Variants in BCKDHB observed in about 807,000 individuals in gnomAD.
BCKDHB encodes the protein 2-oxoisovalerate dehydrogenase subunit beta, mitochondrial.
A neutral mutation model predicts 48.5 loss-of-function variants in BCKDHB; 41 were observed. The ratio of observed to expected loss-of-function variants is 0.85; its 90% CI spans 0.66 to 1.10. The LOEUF is 1.10. BCKDHB is among the 50% of genes least tolerant of loss of function. The probability of loss-of-function intolerance (pLI) is 0.00; values close to 1 mark genes in which losing one functional copy is unlikely to be tolerated. For missense variants in BCKDHB, 496 were observed against 494.2 expected, an observed-to-expected ratio of 1.00 and a Z score of -0.03; for synonymous variants, 201 against 174.8, an observed-to-expected ratio of 1.15 and a Z score of -1.18.
intron 8 of BCKDHB, among the ~76,000 whole-genome samples, chr6:80,251,329 A>C (rs1013181636): frequency 4.6e-5 from 7 of 152,350 alleles, no homozygotes; most frequent in African/African-American, 1.7e-4. Context: ...ATGCAAATGG[A>C]GCAAATTACT....
chr6:80,138,932 G>A (rs1285452800), intron 3 of BCKDHB, among the ~76,000 whole-genome samples: 8 of 152,168 alleles, frequency 5.3e-5, no homozygotes. Context: ...GTGTAAAAGT[G>A]TTCCTATTTC....
At chr6:80,408,413 A>G in the BCKDHB span, among the ~76,000 whole-genome samples, 1 of 152,172 alleles carries the variant, frequency 6.6e-6, no homozygotes, top group Non-Finnish European at 1.5e-5. Context: ...TGATTGGAAT[A>G]GCTTCAGAAG....
chr6:80,210,370 G>A (rs1391790398), intron 8 of BCKDHB, among the ~76,000 whole-genome samples: 1 of 152,002 alleles, frequency 6.6e-6, no homozygotes. Context: ...TTTATATAGA[G>A]GTAAAAAATA....
At chr6:80,295,378 CAA>C (rs1310805273) in intron 9 of BCKDHB, among the ~76,000 whole-genome samples, 1 of 151,960 alleles carries the variant, frequency 6.6e-6, no homozygotes, top group Non-Finnish European at 1.5e-5. Flanking sequence ...TGGTGGCAGA[CAA>C]GAGAGAGTGT....
chr6:80,120,098 G>A (rs1769924879), intron 1 of BCKDHB, among the ~76,000 whole-genome samples: 1 of 152,110 alleles, frequency 6.6e-6, no homozygotes, highest in South Asian at 2.1e-4. Flanking sequence ...ACTTATGAGT[G>A]AGAACATGTG....
At chr6:80,233,865 C>T (rs907094832) in intron 8 of BCKDHB, among the ~76,000 whole-genome samples, 1 of 152,156 alleles carries the variant, frequency 6.6e-6, no homozygotes, top group East Asian at 1.9e-4. Flanking sequence ...TCGTATAGAG[C>T]AGCACTTCCC....
the BCKDHB span, among the ~76,000 whole-genome samples, chr6:80,369,037 GA>G: frequency 6.7e-6 from 1 of 150,018 alleles, no homozygotes; most frequent in African/African-American, 2.5e-5. Flanking sequence ...CAAAAGAAAA[GA>G]AAAAAAATTC....
At chr6:80,359,911 G>C in the BCKDHB span, among the ~76,000 whole-genome samples, 1 of 152,222 alleles carries the variant, frequency 6.6e-6, no homozygotes, top group South Asian at 2.1e-4. Context: ...TTAAATAGAA[G>C]ACTGTATATT....
chr6:80,415,571 AT>A, the BCKDHB span, among the ~76,000 whole-genome samples: 2 of 152,180 alleles, frequency 1.3e-5, no homozygotes, highest in Admixed American at 1.3e-4. Flanking sequence ...GATGAATCAC[AT>A]TTATCAATTT....
At chr6:80,276,756 A>AGTGATTATTTC (rs1350017065) in intron 9 of BCKDHB, among the ~76,000 whole-genome samples, 1 of 151,962 alleles carries the variant, frequency 6.6e-6, no homozygotes, top group Non-Finnish European at 1.5e-5. Flanking sequence ...AAATAATGGT[A>AGTGATTATTTC]AACTCACAGA....
At chr6:80,221,163 G>A (rs533368897) in intron 8 of BCKDHB, among the ~76,000 whole-genome samples, 10 of 152,080 alleles carry the variant, frequency 6.6e-5, no homozygotes, top group South Asian at 4.1e-4. Flanking sequence ...CTCTCTACCT[G>A]CTCATGAGCT....
At chr6:80,110,602 A>G (rs1769362622) in intron 1 of BCKDHB, among the ~76,000 whole-genome samples, 1 of 152,200 alleles carries the variant, frequency 6.6e-6, no homozygotes, top group Admixed American at 6.5e-5. Flanking sequence ...TTCAAAGGCA[A>G]AAAGGTATTG....
chr6:80,135,474 T>A (rs984063533), intron 3 of BCKDHB, among the ~76,000 whole-genome samples: 6 of 152,146 alleles, frequency 3.9e-5, no homozygotes, highest in African/African-American at 1.4e-4. Context: ...AATAAGTTGG[T>A]GTAAATCTGG....
intron 3 of BCKDHB, among the ~76,000 whole-genome samples, chr6:80,145,146 A>G (rs944271464): frequency 6.6e-6 from 1 of 152,156 alleles, no homozygotes; most frequent in Non-Finnish European, 1.5e-5. Flanking sequence ...TCCAACTGTT[A>G]GCATTTGATG....
chr6:80,145,368 C>T (rs1297870793), intron 3 of BCKDHB, among the ~76,000 whole-genome samples: 3 of 152,136 alleles, frequency 2.0e-5, no homozygotes, highest in Non-Finnish European at 4.4e-5. Flanking sequence ...GTGGTCCTTG[C>T]CTTTGCTAAC....
intron 8 of BCKDHB, among the ~76,000 whole-genome samples, chr6:80,246,492 C>T (rs1039304279): frequency 2.8e-4 from 42 of 152,256 alleles, no homozygotes; most frequent in African/African-American, 1.0e-3. Flanking sequence ...CTTACTAGCC[C>T]CCTTCCTGCC....
intron 1 of BCKDHB, among the ~76,000 whole-genome samples, chr6:80,123,181 G>A (rs1770136396): frequency 6.6e-6 from 1 of 151,998 alleles, no homozygotes; most frequent in African/African-American, 2.4e-5. Context: ...CTGTTATTCT[G>A]TTGTTTTTCA....
At chr6:80,399,534 A>G in the BCKDHB span, among the ~76,000 whole-genome samples, 1 of 152,072 alleles carries the variant, frequency 6.6e-6, no homozygotes, top group East Asian at 1.9e-4. Flanking sequence ...GAGCACAACT[A>G]CTGATGGTGG....
intron 6 of BCKDHB, among the ~76,000 whole-genome samples, chr6:80,197,161 A>G (rs1774168787): frequency 6.6e-6 from 1 of 152,198 alleles, no homozygotes. Context: ...TCTAGAAAGC[A>G]CATAGCCGTG....
Sources: allele counts gnomAD v4.1 joint callset (sites outside exome capture counted in the v4.1 genomes callset), GRCh38; gene constraint gnomAD v4.1.1; transcripts MANE v1.5; gene names NCBI Gene and HGNC (gene_info 2026-07-23, HGNC 2026-07-21).